Variants in CLDN18 observed in about 807,000 individuals in gnomAD.
The protein encoded by CLDN18 is claudin-18.
In CLDN18, 20 loss-of-function variants were observed where a neutral mutation model predicts 25.0. That is an observed-to-expected ratio of 0.80 (90% CI 0.56 to 1.16). The LOEUF is 1.16. Ranked by LOEUF, CLDN18 falls within the 50% of genes most tolerant of loss-of-function variation. The pLI is 0.00. For synonymous variants in CLDN18, 125 were observed against 135.6 expected (o/e 0.92, Z 0.54); for missense variants, 297 against 345.4 (o/e 0.86, Z 1.11).
chr3:138,012,408 A>G (rs1425246923), intron 1 of CLDN18, among the ~76,000 whole-genome samples: 1 of 152,142 alleles, frequency 6.6e-6, no homozygotes, highest in Non-Finnish European at 1.5e-5. Context: ...CTAGGTGCAC[A>G]CATAACAGCC....
chr3:138,012,447 T>C (rs577960792), intron 1 of CLDN18, among the ~76,000 whole-genome samples: 37 of 152,224 alleles, frequency 2.4e-4, no homozygotes, highest in South Asian at 1.5e-3. Context: ...ACCCCTCACC[T>C]ACCTTCCTTG....
chr3:137,999,386 T>C (rs1045944183), intron 1 of CLDN18, among the ~76,000 whole-genome samples: 20 of 152,162 alleles, frequency 1.3e-4, no homozygotes, highest in African/African-American at 4.3e-4. Context: ...CAATCACCCA[T>C]AGGAACAGGA....
chr3:138,023,839 G>A lies in CLDN18; in HGVS notation c.385+17G>A, dbSNP rs778989278. On this transcript the variant is annotated intron_variant, in intron 2 of 4. Coordinates refer to ENST00000183605, the MANE Select transcript of CLDN18 (RefSeq NM_016369.4). ...TTGTCTCAGGTAAACACAGAGCCTGGAGTTCCCACTTCTGCGAATGTCAAA... is the reference window on the plus strand; with the variant it reads ...TTGTCTCAGGTAAACACAGAGCCTGAAGTTCCCACTTCTGCGAATGTCAAA... The A allele has an allele frequency of 1.3e-6, 2 of 1,598,336 alleles. No individual in the cohort carries two copies. Among genetic ancestry groups the A allele is most frequent in the Non-Finnish European group, 1.7e-6 (2 of 1,168,196 alleles).
At chr3:138,008,532 G>A (rs1258590275), upstream of CLDN18, among the ~76,000 whole-genome samples, 9 of 152,066 alleles carry the variant, frequency 5.9e-5, no homozygotes, top group African/African-American at 2.2e-4. Flanking sequence ...GAACCCAGGA[G>A]GTGGAGGTTG....
chr3:138,019,588 C>T (rs984952482), intron 1 of CLDN18, among the ~76,000 whole-genome samples: 1 of 152,240 alleles, frequency 6.6e-6, no homozygotes, highest in Non-Finnish European at 1.5e-5. Context: ...CAACTCTCCA[C>T]TCTGAGTACC....
Position 138,032,633 on chromosome 3 carries a change from G to A in CLDN18, c.*1492G>A, listed in dbSNP as rs1198550851. The A allele has an allele frequency of 2.0e-5, 3 of 152,060 alleles. No homozygotes were observed. The East Asian group carries it at 5.8e-4, about 29-fold the overall frequency. The allele number at this position is 152,060 out of a possible 1,614,324, so 9.4% of individuals were successfully genotyped here. ...GTTTTGTTTTGTTTTGCTTTGTTTA[G>A]AGACGGGGTCTCACTTTCCAGGCTG... On this transcript the variant is annotated 3_prime_UTR_variant, in exon 5 of 5. Coordinates refer to ENST00000183605, the MANE Select transcript of CLDN18 (RefSeq NM_016369.4).
chr3:138,008,968 C>T (rs1009707197), upstream of CLDN18, among the ~76,000 whole-genome samples: 3 of 152,034 alleles, frequency 2.0e-5, no homozygotes, highest in African/African-American at 7.3e-5. Flanking sequence ...CCAGACATAC[C>T]TGGCCCCCAT....
At chr3:138,022,799 C>T (rs148647751) in intron 1 of CLDN18, among the ~76,000 whole-genome samples, 2 of 152,236 alleles carry the variant, frequency 1.3e-5, no homozygotes, top group African/African-American at 2.4e-5. Context: ...TTGGCATAAG[C>T]TCCATGACAA....
At chr3:138,002,993 AC>A (rs1942034477) in intron 1 of CLDN18, among the ~76,000 whole-genome samples, 1 of 152,218 alleles carries the variant, frequency 6.6e-6, no homozygotes, top group Non-Finnish European at 1.5e-5. Context: ...TATGTCCCAG[AC>A]TGTCTGCACA....
intron 1 of CLDN18, among the ~76,000 whole-genome samples, chr3:138,012,933 T>C (rs905844729): frequency 3.9e-5 from 6 of 152,210 alleles, no homozygotes; most frequent in Non-Finnish European, 8.8e-5. Flanking sequence ...GGAGTTCTGT[T>C]TGAGTCTGAA....
In CLDN18 at chr3:138,032,492, A is replaced by G. The variant is rs1003123622; in HGVS notation, c.*1351A>G. 6.6e-6 allele frequency: 1 copy of G among 152,104 alleles called. No individual in the cohort carries two copies. Among genetic ancestry groups the G allele is most frequent in the African/African-American group, 2.4e-5 (1 of 41,424 alleles). The allele number at this position is 152,104 out of a possible 1,614,324, so 9.4% of individuals were successfully genotyped here. On this transcript the variant is annotated 3_prime_UTR_variant, in exon 5 of 5. Transcript: ENST00000183605. ...AGTAGGTTAAAACTAATTCTTTAAA[A>G]AAAAAAAAAAGTTGAGCCTGAATTA... is the stretch of plus-strand genomic sequence containing the variant.
upstream of CLDN18, among the ~76,000 whole-genome samples, chr3:138,009,565 G>T (rs1352766193): frequency 3.9e-5 from 6 of 152,186 alleles, no homozygotes; most frequent in Admixed American, 3.9e-4. Flanking sequence ...TGGACTGGAA[G>T]CTGAGGTGGG....
At chr3:138,027,279 C>T (rs12495548) in intron 3 of CLDN18, among the ~76,000 whole-genome samples, 19,156 of 152,220 alleles carry the variant, frequency 0.13, 1,278 homozygotes, top group African/African-American at 0.13. Flanking sequence ...AATAGCCCAA[C>T]TCATGCTTAT....
rs909020182 is a variant in CLDN18, at chr3:138,018,031, C to T, written c.221-5627C>T. 5.3e-5 allele frequency among the ~76,000 whole-genome samples: 8 copies of T among 152,238 alleles called. No homozygotes were observed. In the East Asian group the frequency reaches 7.7e-4, roughly 15 times the overall value. On this transcript the variant is annotated intron_variant, in intron 1 of 4. Transcript: ENST00000183605. ...CACAAAGCATCATGCCCTAGGATGG[C>T]CTAGTCAGTGGTGCAGCATCATTTC... is the stretch of plus-strand genomic sequence containing the variant.
At chr3:138,021,091 G>A (rs1942265489) in intron 1 of CLDN18, among the ~76,000 whole-genome samples, 1 of 151,920 alleles carries the variant, frequency 6.6e-6, no homozygotes. Context: ...TTTCCCCATG[G>A]ATTACATTTT....
chr3:138,006,345 G>A (rs138251275), upstream of CLDN18, among the ~76,000 whole-genome samples: 3 of 152,100 alleles, frequency 2.0e-5, no homozygotes, highest in Non-Finnish European at 4.4e-5. Flanking sequence ...CATAGACAGT[G>A]TTATAAAAAG....
At chr3:138,001,949 TGA>T (rs1239493986) in intron 1 of CLDN18, among the ~76,000 whole-genome samples, 1 of 152,138 alleles carries the variant, frequency 6.6e-6, no homozygotes, top group African/African-American at 2.4e-5. Context: ...TAACTGAGTG[TGA>T]GAGATAGTGT....
chr3:138,020,504 C>G (rs1351178817), intron 1 of CLDN18, among the ~76,000 whole-genome samples: 1 of 152,190 alleles, frequency 6.6e-6, no homozygotes, highest in African/African-American at 2.4e-5. Flanking sequence ...TCTAACTCTC[C>G]TTTTTCAAAA....
intron 1 of CLDN18, among the ~76,000 whole-genome samples, chr3:138,022,326 A>G (rs1942281216): frequency 1.3e-5 from 2 of 152,182 alleles, no homozygotes; most frequent in African/African-American, 4.8e-5. Flanking sequence ...GATCAAGGTC[A>G]ATATTACTAC....
Sources: gnomAD v4.1 joint callset for allele counts (sites outside exome capture counted in the v4.1 genomes callset) on GRCh38, gnomAD v4.1.1 for gene constraint, MANE v1.5 for transcripts, NCBI Gene and HGNC (gene_info 2026-07-23, HGNC 2026-07-21) for gene names.